Variants in SDK1 observed in about 807,000 individuals in gnomAD.
SDK1 encodes sidekick cell adhesion molecule 1, also known as protein sidekick-1.
A neutral mutation model predicts 245.5 loss-of-function variants in SDK1; 157 were observed. That is an observed-to-expected ratio of 0.64 (90% CI 0.56 to 0.73). The LOEUF (loss-of-function observed/expected upper bound fraction) is 0.73, where lower values mean the gene tolerates loss of function less well. SDK1 is among the 30% of genes least tolerant of loss of function. SDK1 has a pLI of 0.00. For synonymous variants in SDK1, 1,647 were observed against 1,278.5 expected (o/e 1.29, Z -6.15); for missense variants, 3,583 against 3,002.3 (o/e 1.19, Z -4.52).
At chr7:3,476,419 C>T (rs1472337648) in intron 1 of SDK1, among the ~76,000 whole-genome samples, 4 of 152,186 alleles carry the variant, frequency 2.6e-5, no homozygotes, top group African/African-American at 4.8e-5. Flanking sequence ...TTTCCTTTAA[C>T]CAGACATTAC....
chr7:3,702,200 C>G (rs1045506991), intron 4 of SDK1, among the ~76,000 whole-genome samples: 1 of 152,094 alleles, frequency 6.6e-6, no homozygotes. Context: ...AAACCATAGA[C>G]TGTAATAAAC....
intron 17 of SDK1, among the ~76,000 whole-genome samples, chr7:4,046,689 G>T (rs1314929393): frequency 6.6e-6 from 1 of 152,146 alleles, no homozygotes; most frequent in East Asian, 1.9e-4. Context: ...TTGATTTCCA[G>T]TTAGTCTTGA....
At chr7:3,897,240 C>G (rs1011223085) in intron 5 of SDK1, among the ~76,000 whole-genome samples, 1 of 152,158 alleles carries the variant, frequency 6.6e-6, no homozygotes. Context: ...TTAAGTCTCC[C>G]GTTCAGTAAG....
chr7:4,116,599 G>T (rs919858473), intron 25 of SDK1, among the ~76,000 whole-genome samples: 45 of 152,224 alleles, frequency 3.0e-4, no homozygotes, highest in Non-Finnish European at 5.9e-4. Flanking sequence ...AGCCCCCTGG[G>T]TTTCCTCAAT....
chr7:4,065,746 T>TA (rs1451912927), intron 19 of SDK1, among the ~76,000 whole-genome samples: 2 of 136,596 alleles, frequency 1.5e-5, no homozygotes, highest in East Asian at 4.5e-4. Context: ...GTTACCATTT[T>TA]AAAAAAATTA....
At chr7:4,098,761 T>G (rs922063413) in intron 22 of SDK1, among the ~76,000 whole-genome samples, 16 of 148,500 alleles carry the variant, frequency 1.1e-4, no homozygotes. Context: ...CCTCCCAAGC[T>G]CAAGCAATTC....
chr7:4,074,884 C>CTCTCTCTCTCTT (rs1377225405), intron 20 of SDK1, among the ~76,000 whole-genome samples: 1 of 62,490 alleles, frequency 1.6e-5, no homozygotes, highest in Non-Finnish European at 2.8e-5. Flanking sequence ...CTCTCTCTCT[C>CTCTCTCTCTCTT]TGTATATATA....
At chr7:3,878,363 AC>A (rs1203973278) in intron 5 of SDK1, among the ~76,000 whole-genome samples, 12 of 152,118 alleles carry the variant, frequency 7.9e-5, no homozygotes, top group Non-Finnish European at 1.5e-4. Context: ...TACTAAAAAT[AC>A]AAAAAAATTA....
At chr7:4,096,932 A>G (rs1037425024) in intron 22 of SDK1, among the ~76,000 whole-genome samples, 3 of 152,188 alleles carry the variant, frequency 2.0e-5, no homozygotes, top group Non-Finnish European at 4.4e-5. Flanking sequence ...CTGGGCTCAA[A>G]CACCCACAGT....
Position 4,079,554 on chromosome 7 carries a change from G to A in SDK1, c.3294G>A (p.Thr1098=), listed in dbSNP as rs377121090. 1.1e-5 allele frequency: 18 copies of A among 1,614,082 alleles called. No individual in the cohort carries two copies. The highest frequency in any genetic ancestry group is 1.1e-4 in the African/African-American group (8 of 74,918). The change falls in exon 22 of 45, where the codon ACG becomes ACA. Residue 1098 remains threonine (T), a synonymous_variant. Coordinates refer to ENST00000404826, the MANE Select transcript of SDK1 (RefSeq NM_152744.4). ...LQFRPGYDGK[T]SISRWIVEGQ... is the part of the protein sequence containing the mutation. ...TCCGGCCAGGCTATGACGGGAAAAC[G>A]TCCATCTCCAGGTGGATTGTTGAGG...
rs560340263 is a variant in SDK1 at position 3,330,419 on chromosome 7, A to G, written c.298+28535A>G. 3.3e-5 allele frequency among the ~76,000 whole-genome samples: 5 copies of G among 152,262 alleles called. No individual in the cohort carries two copies. In the South Asian group the frequency reaches 6.2e-4, roughly 19 times the overall value. ...TTGGAAACTTCACCCTCAAATTCAT[A>G]TGTTGATTGGAGGTGGGCCTGTGGG... On this transcript the variant is annotated intron_variant, in intron 1 of 44. Transcript: ENST00000404826.
intron 43 of SDK1, among the ~76,000 whole-genome samples, chr7:4,245,376 G>A (rs936975700): frequency 3.3e-5 from 5 of 152,028 alleles, no homozygotes; most frequent in African/African-American, 1.2e-4. Flanking sequence ...TATCTGTCCC[G>A]ACCTCAGGGT....
At chr7:3,595,811 G>A (rs1203542374) in intron 1 of SDK1, among the ~76,000 whole-genome samples, 2 of 101,308 alleles carry the variant, frequency 2.0e-5, no homozygotes, top group Admixed American at 3.3e-4. Context: ...CTGGTCGACA[G>A]AGTTAAGACT....
intron 8 of SDK1, 78 bp downstream of exon 8, chr7:3,959,092 C>T: frequency 9.0e-7 from 1 of 1,113,364 alleles, no homozygotes; most frequent in Non-Finnish European, 1.4e-6. Context: ...GCAGAATTGC[C>T]ATCATTCTAG....
chr7:4,238,421 G>A (rs1281651618), intron 42 of SDK1, among the ~76,000 whole-genome samples: 1 of 152,022 alleles, frequency 6.6e-6, no homozygotes, highest in African/African-American at 2.4e-5. Context: ...AGGTGTGTCT[G>A]GGAATGGTGG....
intron 17 of SDK1, among the ~76,000 whole-genome samples, chr7:4,031,027 G>T (rs564903384): frequency 6.6e-6 from 1 of 151,986 alleles, no homozygotes; most frequent in Admixed American, 6.6e-5. Context: ...ACATACATGC[G>T]CAAACAGAGA....
Position 4,265,900 on chromosome 7 carries a change from G to A in SDK1, c.*516G>A. 1.0e-6 allele frequency: 1 copy of A among 986,562 alleles called. No homozygotes were observed. Among genetic ancestry groups the A allele is most frequent in the Non-Finnish European group, 1.2e-6 (1 of 830,788 alleles). 61.1% of individuals were successfully genotyped at this position (986,562 alleles called of 1,614,324 possible). A position where few individuals can be genotyped will look rare whatever the true frequency, so the allele number is the denominator to read the frequency against. ...GAGCAAACGTTTTTCCCTGGGCTCAGTGCGTTTTGTCCCAACTTCATCTGT... is the reference window on the plus strand; with the variant it reads ...GAGCAAACGTTTTTCCCTGGGCTCAATGCGTTTTGTCCCAACTTCATCTGT... On this transcript the variant is annotated 3_prime_UTR_variant, in exon 45 of 45. Coordinates refer to ENST00000404826, the MANE Select transcript of SDK1 (RefSeq NM_152744.4).
At chr7:4,142,489 C>T (rs1265285529) in intron 28 of SDK1, among the ~76,000 whole-genome samples, 9 of 151,984 alleles carry the variant, frequency 5.9e-5, no homozygotes, top group South Asian at 2.1e-4. Flanking sequence ...CCATCACGCC[C>T]GGCTAATTTT....
At chr7:3,495,944 G>A (rs1782011977) in intron 1 of SDK1, among the ~76,000 whole-genome samples, 1 of 152,160 alleles carries the variant, frequency 6.6e-6, no homozygotes, top group Admixed American at 6.5e-5. Flanking sequence ...ACAGATTCCA[G>A]AAGAATTTTG....
Sources: allele counts gnomAD v4.1 joint callset (sites outside exome capture counted in the v4.1 genomes callset), GRCh38; gene constraint gnomAD v4.1.1; transcripts MANE v1.5; gene names NCBI Gene and HGNC (gene_info 2026-07-23, HGNC 2026-07-21).